The following RANBP17 variants were observed in gnomAD, a reference collection of about 807,000 sequenced individuals.
RANBP17 encodes the protein ran-binding protein 17.
In RANBP17, 158 loss-of-function variants were observed where a neutral mutation model predicts 141.2. That is an observed-to-expected ratio of 1.12 (90% CI 0.98 to 1.28). The LOEUF is 1.28. Among genes scored for constraint, RANBP17 ranks in the 50% most tolerant of loss-of-function variants. RANBP17 has a pLI of 0.00. For synonymous variants in RANBP17, 430 were observed against 450.0 expected, an observed-to-expected ratio of 0.96 and a Z score of 0.56; for missense variants, 1,438 against 1,290.7, an observed-to-expected ratio of 1.11 and a Z score of -1.75.
intron 12 of RANBP17, among the ~76,000 whole-genome samples, chr5:170,947,868 T>C (rs1220196126): frequency 6.6e-6 from 1 of 152,180 alleles, no homozygotes; most frequent in Non-Finnish European, 1.5e-5. Context: ...TGGAGGAATT[T>C]GCCAGTTCTT....
intron 22 of RANBP17, among the ~76,000 whole-genome samples, chr5:171,232,781 G>T (rs1021184217): frequency 1.3e-5 from 2 of 151,984 alleles, no homozygotes; most frequent in African/African-American, 4.8e-5. Flanking sequence ...TATGGTCATT[G>T]TTCTATGTTA....
At chr5:170,896,267 A>G in intron 5 of RANBP17, 152 bp downstream of exon 5, 1 of 584,554 alleles carries the variant, frequency 1.7e-6, no homozygotes, top group South Asian at 2.3e-5. Flanking sequence ...TGTTTTATTG[A>G]TGGGCTAATT....
chr5:171,222,048 T>G (rs1423644549), intron 22 of RANBP17, among the ~76,000 whole-genome samples: 1 of 152,200 alleles, frequency 6.6e-6, no homozygotes, highest in Non-Finnish European at 1.5e-5. Flanking sequence ...CTGACCAACT[T>G]GATGAATTTC....
At chr5:170,875,415 C>CA (rs1406736693) in intron 1 of RANBP17, among the ~76,000 whole-genome samples, 1 of 152,148 alleles carries the variant, frequency 6.6e-6, no homozygotes, top group African/African-American at 2.4e-5. Flanking sequence ...GTGTGTTTTC[C>CA]AACTTGGTTC....
intron 11 of RANBP17, among the ~76,000 whole-genome samples, chr5:170,920,867 T>C (rs1442619198): frequency 6.6e-6 from 1 of 152,224 alleles, no homozygotes; most frequent in Non-Finnish European, 1.5e-5. Flanking sequence ...TTTTTTCATA[T>C]GTCTGTTGGC....
At chr5:171,127,227 A>G (rs1756539115) in intron 14 of RANBP17, among the ~76,000 whole-genome samples, 1 of 152,264 alleles carries the variant, frequency 6.6e-6, no homozygotes, top group African/African-American at 2.4e-5. Context: ...CAAAAGCCAT[A>G]TGAACCTCTC....
At chr5:171,113,560 G>T (rs1003843401) in intron 14 of RANBP17, among the ~76,000 whole-genome samples, 7 of 152,214 alleles carry the variant, frequency 4.6e-5, no homozygotes, top group Middle Eastern at 6.8e-3. Context: ...AATTTATACA[G>T]TGGTTCCTCC....
At chr5:171,179,948 T>C (rs770644060) in intron 16 of RANBP17, among the ~76,000 whole-genome samples, 19 of 152,192 alleles carry the variant, frequency 1.2e-4, no homozygotes, top group African/African-American at 2.4e-4. Flanking sequence ...TCAAAAGATA[T>C]AGATTTTCAG....
At chr5:170,882,906 A>G (rs1768833610) in intron 3 of RANBP17, among the ~76,000 whole-genome samples, 1 of 152,170 alleles carries the variant, frequency 6.6e-6, no homozygotes, top group Non-Finnish European at 1.5e-5. Context: ...TTTTTGGGTC[A>G]TCTTTGTTCA....
intron 14 of RANBP17, among the ~76,000 whole-genome samples, chr5:171,006,667 G>A (rs1779639244): frequency 6.6e-6 from 1 of 151,038 alleles, no homozygotes; most frequent in African/African-American, 2.4e-5. Flanking sequence ...AATGGGTGCA[G>A]CACACCAACA....
chr5:171,001,570 T>C (rs1779203584), intron 14 of RANBP17, among the ~76,000 whole-genome samples: 1 of 152,102 alleles, frequency 6.6e-6, no homozygotes, highest in Admixed American at 6.5e-5. Context: ...CTCTGTAGCA[T>C]CTCGAGGACA....
chr5:171,090,076 A>T (rs954114061), intron 14 of RANBP17, among the ~76,000 whole-genome samples: 1 of 152,208 alleles, frequency 6.6e-6, no homozygotes, highest in African/African-American at 2.4e-5. Context: ...TATGGAAGCA[A>T]CTTTGCAACT....
chr5:170,881,764 A>G, intron 2 of RANBP17, 42 bp from the exon 3 acceptor site: 2 of 1,342,386 alleles, frequency 1.5e-6, no homozygotes, highest in South Asian at 2.9e-5. Flanking sequence ...GCTTTATTTT[A>G]ATTTCATTTA....
chr5:170,947,706 T>TAA (rs938025008), intron 12 of RANBP17, among the ~76,000 whole-genome samples: 2 of 152,144 alleles, frequency 1.3e-5, no homozygotes, highest in African/African-American at 4.8e-5. Context: ...CTGGAATGCT[T>TAA]AGAGTGTATA....
chr5:170,868,004 C>T (rs1455329127), intron 1 of RANBP17, among the ~76,000 whole-genome samples: 1 of 152,132 alleles, frequency 6.6e-6, no homozygotes, highest in Non-Finnish European at 1.5e-5. Context: ...CAGCATTCAC[C>T]TGTTGATAGT....
chr5:170,893,157 A>G (rs2127386031), intron 4 of RANBP17, among the ~76,000 whole-genome samples: 1 of 152,212 alleles, frequency 6.6e-6, no homozygotes, highest in African/African-American at 2.4e-5. Flanking sequence ...TTATTTTAAA[A>G]ACAATATTTT....
chr5:171,180,171 C>A (rs898527599), intron 16 of RANBP17, among the ~76,000 whole-genome samples: 1 of 152,158 alleles, frequency 6.6e-6, no homozygotes, highest in African/African-American at 2.4e-5. Flanking sequence ...GAATTGGTCC[C>A]TCCTAAAATA....
At position 170,892,423 on chromosome 5, in the gene RANBP17, A is replaced by AGCTG; in HGVS notation, c.297_300dup (p.Pro101GlyfsTer14). The AGCTG allele has an allele frequency of 6.2e-7, 1 of 1,613,514 alleles. No homozygotes were observed. Among genetic ancestry groups the AGCTG allele is most frequent in the Non-Finnish European group, 8.5e-7 (1 of 1,179,802 alleles). On this transcript the variant is annotated frameshift_variant, in exon 4 of 28. Transcript: ENST00000523189. LOFTEE classifies it high-confidence loss of function. ...CTGAATTACGTGGCATCACAGCCCA[A>AGCTG]GCTGGCTCCCTTTGTCATCCAAGCT...
At chr5:171,231,237 C>T (rs1466752655) in intron 22 of RANBP17, among the ~76,000 whole-genome samples, 1 of 151,904 alleles carries the variant, frequency 6.6e-6, no homozygotes, top group Non-Finnish European at 1.5e-5. Context: ...GCTTGAGCCA[C>T]CACGCCTGGC....
Sources: allele counts gnomAD v4.1 joint callset (sites outside exome capture counted in the v4.1 genomes callset), GRCh38; gene constraint gnomAD v4.1.1; transcripts MANE v1.5; gene names NCBI Gene and HGNC (gene_info 2026-07-23, HGNC 2026-07-21).